The following PIK3R3 variants were observed in gnomAD, a reference collection of about 807,000 sequenced individuals.
The protein encoded by PIK3R3 is phosphatidylinositol 3-kinase regulatory subunit gamma.
A neutral mutation model predicts 62.9 loss-of-function variants in PIK3R3; 64 were observed. That is an observed-to-expected ratio of 1.02 (90% CI 0.83 to 1.25). The LOEUF (loss-of-function observed/expected upper bound fraction) is 1.25, where lower values mean the gene tolerates loss of function less well. Ranked by LOEUF, PIK3R3 falls within the 50% of genes most tolerant of loss-of-function variation. The pLI, the probability that PIK3R3 is intolerant of heterozygous loss-of-function variation, is 0.00. For missense variants in PIK3R3, 614 were observed against 561.6 expected (o/e 1.09, Z -0.94); for synonymous variants, 165 against 189.0 (o/e 0.87, Z 1.04).
chr1:46,145,493 G>A, the PIK3R3 span, among the ~76,000 whole-genome samples: 1 of 152,236 alleles, frequency 6.6e-6, no homozygotes, highest in African/African-American at 2.4e-5. Flanking sequence ...GAGTGGAAGG[G>A]GAGCTGGCAT....
At chr1:46,115,421 C>A (rs972807521) in intron 1 of PIK3R3, among the ~76,000 whole-genome samples, 1 of 152,180 alleles carries the variant, frequency 6.6e-6, no homozygotes, top group Non-Finnish European at 1.5e-5. Context: ...CTAGAAAATA[C>A]AGCCTAGTCA....
chr1:46,158,153 G>GTCC, the PIK3R3 span, among the ~76,000 whole-genome samples: 1 of 152,106 alleles, frequency 6.6e-6, no homozygotes, highest in Non-Finnish European at 1.5e-5. Context: ...GATCTAAGCT[G>GTCC]TCCTCCTCCA....
In PIK3R3 at chr1:46,043,017, T is replaced by C. The variant is rs906781655; in HGVS notation, c.*656A>G. On this transcript the variant is annotated 3_prime_UTR_variant, in exon 10 of 10. Transcript: ENST00000262741. ...ATTGGTCTGGCAACAAACTGTTTTG[T>C]TGGCTTCTGAACATAATACTTCTTC... The C allele has an allele frequency of 2.7e-5, 6 of 223,078 alleles. No homozygotes were observed. The highest frequency in any genetic ancestry group is 2.7e-5 in the Non-Finnish European group (3 of 111,412). The allele number at this position is 223,078 out of a possible 1,614,324, so 13.8% of individuals were successfully genotyped here. A position where few individuals can be genotyped will look rare whatever the true frequency, so the allele number is the denominator to read the frequency against.
At position 46,132,275 on chromosome 1, in the gene PIK3R3, A is replaced by G. The variant is rs759877406; in HGVS notation, c.-323T>C. 8 of 1,122,888 alleles carry G rather than the reference A, an allele frequency of 7.1e-6. No homozygotes were observed. The highest frequency in any genetic ancestry group is 8.8e-6 in the Non-Finnish European group (8 of 912,540). The allele number at this position is 1,122,888 out of a possible 1,614,324, so 69.6% of individuals were successfully genotyped here. A position where few individuals can be genotyped will look rare whatever the true frequency, so the allele number is the denominator to read the frequency against. ...TTCTACACAGTCGCTCTCCGGGGAGAAAAGCTCCCACCGCCTCCAAATCTT... is the reference window on the plus strand; with the variant it reads ...TTCTACACAGTCGCTCTCCGGGGAGGAAAGCTCCCACCGCCTCCAAATCTT... On this transcript the variant is annotated 5_prime_UTR_variant, in exon 1 of 10. Transcript: ENST00000262741.
the PIK3R3 span, among the ~76,000 whole-genome samples, chr1:46,143,073 C>A: frequency 1.3e-5 from 2 of 152,248 alleles, no homozygotes; most frequent in South Asian, 4.1e-4. Flanking sequence ...AGGTAACCAG[C>A]ATGTCTCCAC....
At chr1:46,102,360 T>G (rs1387693047) in intron 1 of PIK3R3, among the ~76,000 whole-genome samples, 1 of 152,198 alleles carries the variant, frequency 6.6e-6, no homozygotes, top group African/African-American at 2.4e-5. Flanking sequence ...AAAATTACAT[T>G]TGTTATCTGC....
intron 2 of PIK3R3, among the ~76,000 whole-genome samples, chr1:46,080,011 A>T (rs1571433802): frequency 6.6e-6 from 1 of 151,452 alleles, no homozygotes; most frequent in East Asian, 1.9e-4. Context: ...AAAAGTATTA[A>T]GACACTAATG....
At chr1:46,123,312 C>T (rs377569590) in intron 1 of PIK3R3, among the ~76,000 whole-genome samples, 14 of 152,070 alleles carry the variant, frequency 9.2e-5, no homozygotes, top group East Asian at 1.9e-4. Flanking sequence ...GGAGGTGAGA[C>T]GGGCATATTC....
intron 3 of PIK3R3, among the ~76,000 whole-genome samples, chr1:46,073,953 TC>T (rs1256351741): frequency 6.7e-6 from 1 of 149,406 alleles, no homozygotes; most frequent in African/African-American, 2.5e-5. Flanking sequence ...CTTTTCTAAC[TC>T]CCTGAGCCAC....
intron 1 of PIK3R3, among the ~76,000 whole-genome samples, chr1:46,086,286 A>G (rs1346528267): frequency 6.6e-6 from 1 of 152,148 alleles, no homozygotes; most frequent in African/African-American, 2.4e-5. Flanking sequence ...TGTTTTCTTT[A>G]TATGTTTTAA....
the PIK3R3 span, among the ~76,000 whole-genome samples, chr1:46,169,666 C>A: frequency 6.6e-6 from 1 of 152,008 alleles, no homozygotes; most frequent in Admixed American, 6.6e-5. Flanking sequence ...GGCAAATGGG[C>A]GTGTGAGTAG....
intron 1 of PIK3R3, among the ~76,000 whole-genome samples, chr1:46,098,855 C>A (rs1652388879): frequency 7.4e-6 from 1 of 134,892 alleles, no homozygotes; most frequent in East Asian, 2.2e-4. Context: ...CACACGACAC[C>A]ATGCTTAGCT....
the PIK3R3 span, among the ~76,000 whole-genome samples, chr1:46,151,167 T>G: frequency 6.6e-6 from 1 of 152,148 alleles, no homozygotes. Flanking sequence ...TACCTACCTC[T>G]CCTGAACATT....
chr1:46,077,463 G>A (rs1157860712), intron 3 of PIK3R3, 52 bp downstream of exon 3: 9 of 890,390 alleles, frequency 1.0e-5, no homozygotes, highest in Non-Finnish European at 1.7e-5. Context: ...TGTATACCCA[G>A]AACTAAAATA....
chr1:46,169,399 T>C, the PIK3R3 span, among the ~76,000 whole-genome samples: 42 of 152,264 alleles, frequency 2.8e-4, 1 homozygote, highest in Middle Eastern at 0.034. Context: ...ATGTGGGCAT[T>C]ATTTTTATTC....
chr1:46,167,754 G>A, the PIK3R3 span, among the ~76,000 whole-genome samples: 1 of 152,270 alleles, frequency 6.6e-6, no homozygotes, highest in African/African-American at 2.4e-5. Context: ...CATCTCACAC[G>A]GCCAATCAGT....
chr1:46,075,707 T>C (rs1233157548), intron 3 of PIK3R3, among the ~76,000 whole-genome samples: 3 of 151,792 alleles, frequency 2.0e-5, no homozygotes, highest in African/African-American at 7.3e-5. Flanking sequence ...ACAGAACCAA[T>C]AGGAGAGAGA....
chr1:46,092,566 T>C (rs1651737406), intron 1 of PIK3R3, among the ~76,000 whole-genome samples: 1 of 152,154 alleles, frequency 6.6e-6, no homozygotes, highest in Non-Finnish European at 1.5e-5. Flanking sequence ...GGTTTCATCA[T>C]GTTAGCCAGG....
At chr1:46,132,994 A>C, upstream of PIK3R3, 1 of 1,075,582 alleles carries the variant, frequency 9.3e-7, no homozygotes, top group South Asian at 2.3e-5. Context: ...GAGTGGGGCG[A>C]GGGAAGAGAG....
Sources: gnomAD v4.1 joint callset for allele counts (sites outside exome capture counted in the v4.1 genomes callset) on GRCh38, gnomAD v4.1.1 for gene constraint, MANE v1.5 for transcripts, NCBI Gene and HGNC (gene_info 2026-07-23, HGNC 2026-07-21) for gene names.